The following POLD1 variants were observed in gnomAD, a reference collection of about 807,000 sequenced individuals.
The protein encoded by POLD1 is DNA polymerase delta catalytic subunit.
A neutral mutation model predicts 129.7 loss-of-function variants in POLD1; 79 were observed. The ratio of observed to expected loss-of-function variants is 0.61; its 90% CI spans 0.51 to 0.73. POLD1 has a LOEUF of 0.73. POLD1 is among the 30% of genes least tolerant of loss of function. POLD1 has a pLI of 0.00. For missense variants in POLD1, 1,338 were observed against 1,595.8 expected (o/e 0.84, Z 2.75); for synonymous variants, 714 against 683.3 (o/e 1.04, Z -0.70).
chr19:50,389,352 G>A (rs1029078002), intron 1 of POLD1, among the ~76,000 whole-genome samples: 2 of 151,684 alleles, frequency 1.3e-5, no homozygotes, highest in Non-Finnish European at 2.9e-5. Flanking sequence ...AAACTCCTGG[G>A]TTCAAGCAAT....
At chr19:50,399,147 C>G in intron 2 of POLD1, 94 bp downstream of exon 2, 1 of 1,527,538 alleles carries the variant, frequency 6.5e-7, no homozygotes, top group Non-Finnish European at 8.9e-7. Flanking sequence ...ACCTGTGACC[C>G]CACTCTGGCC....
chr19:50,415,683 C>T, intron 21 of POLD1, 41 bp from the exon 22 acceptor site: 1 of 1,469,132 alleles, frequency 6.8e-7, no homozygotes. Flanking sequence ...ACCCCCGCCA[C>T]CCACCTGCCC....
At chr19:50,413,315 C>T in intron 17 of POLD1, 111 bp from the exon 18 acceptor site, 1 of 861,040 alleles carries the variant, frequency 1.2e-6, no homozygotes, top group South Asian at 1.6e-5. Flanking sequence ...GTGGCTTGTA[C>T]ATAAGCCTAT....
chr19:50,396,366 G>T (rs996249579), intron 1 of POLD1, among the ~76,000 whole-genome samples: 1 of 151,696 alleles, frequency 6.6e-6, no homozygotes, highest in Non-Finnish European at 1.5e-5. Flanking sequence ...TGGGATTACA[G>T]CGTGGGCCAC....
rs1289993856 is a variant in POLD1, at chr19:50,415,461, A to C, written c.2588A>C (p.His863Pro). Residue 863 changes from histidine (H) to proline (P), a missense_variant, in exon 21 of 27, where the codon CAC becomes CCC. By Grantham distance (77) the His-to-Pro change is moderately conservative (BLOSUM62 -2). This residue lies in a region of POLD1 where 720 missense variants were observed against 1,002.6 expected (regional missense o/e 0.72). Coordinates refer to ENST00000440232, the MANE Select transcript of POLD1 (RefSeq NM_002691.4). ...IDRDPEGAVAHAQDVISDLLC... is the reference protein window; with the variant it reads ...IDRDPEGAVAPAQDVISDLLC... ...AGAGACCCTGAGGGCGCGGTGGCTC[A>C]CGCACAGGACGTCATCTCGGACCTG... 1 of 1,612,966 alleles carries C rather than the reference A, an allele frequency of 6.2e-7. No individual in the cohort carries two copies. Among genetic ancestry groups the C allele is most frequent in the Non-Finnish European group, 8.5e-7 (1 of 1,179,880 alleles).
At chr19:50,404,981 T>G (rs533404365) in intron 10 of POLD1, among the ~76,000 whole-genome samples, 1 of 150,770 alleles carries the variant, frequency 6.6e-6, no homozygotes, top group East Asian at 2.0e-4. Flanking sequence ...GCCAGGCTGG[T>G]CTCGAACTCC....
intron 10 of POLD1, among the ~76,000 whole-genome samples, chr19:50,405,238 G>A (rs180754511): frequency 6.6e-6 from 1 of 152,242 alleles, no homozygotes; most frequent in Admixed American, 6.5e-5. Context: ...TAGTGACACC[G>A]TCGTGAGGTG....
At chr19:50,393,195 G>A (rs990721521) in intron 1 of POLD1, among the ~76,000 whole-genome samples, 3 of 152,140 alleles carry the variant, frequency 2.0e-5, no homozygotes, top group African/African-American at 7.2e-5. Flanking sequence ...GGTCTCCAGT[G>A]TACAGTCAGC....
chr19:50,417,484 C>CCA (rs2039352613), intron 26 of POLD1, among the ~76,000 whole-genome samples: 1 of 152,190 alleles, frequency 6.6e-6, no homozygotes, highest in Non-Finnish European at 1.5e-5. Context: ...GAGGCAGCGC[C>CCA]CGGCACCCAG....
At chr19:50,395,224 G>A (rs192693255) in intron 1 of POLD1, 18 of 122,806 alleles carry the variant, frequency 1.5e-4, no homozygotes, top group African/African-American at 6.9e-4. Flanking sequence ...AGTGTAGGCC[G>A]GGCGCGGTGG....
chr19:50,385,876 T>TAG (rs1200057740), intron 1 of POLD1, among the ~76,000 whole-genome samples: 1 of 150,850 alleles, frequency 6.6e-6, no homozygotes, highest in Non-Finnish European at 1.5e-5. Context: ...CTCTTCCCCC[T>TAG]AGAGAGGTTC....
At chr19:50,404,319 G>A (rs553650581) in intron 10 of POLD1, among the ~76,000 whole-genome samples, 1,575 of 142,704 alleles carry the variant, frequency 0.011, 42 homozygotes, top group African/African-American at 0.043. Flanking sequence ...CTGGAGTGCA[G>A]TGGCGCAATC....
At chr19:50,390,452 A>G (rs888883832) in intron 1 of POLD1, among the ~76,000 whole-genome samples, 1 of 152,132 alleles carries the variant, frequency 6.6e-6, no homozygotes, top group Admixed American at 6.5e-5. Flanking sequence ...TTGGGCTAAA[A>G]TGATGAAGGA....
intron 3 of POLD1, among the ~76,000 whole-genome samples, chr19:50,400,522 ATTTTTTTTTTTTTT>A (rs1016107364): frequency 6.3e-5 from 4 of 63,518 alleles, no homozygotes; most frequent in African/African-American, 3.3e-4. Flanking sequence ...TGCCCCGCCT[ATTTTTTTTTTTTTT>A]TTTTTTTTTT....
At chr19:50,412,950 G>T (rs2122431165) in intron 17 of POLD1, among the ~76,000 whole-genome samples, 1 of 152,256 alleles carries the variant, frequency 6.6e-6, no homozygotes, top group East Asian at 1.9e-4. Context: ...TTTCTCAATG[G>T]TTTCTTAGTC....
chr19:50,389,111 A>G (rs2038065708), intron 1 of POLD1, among the ~76,000 whole-genome samples: 1 of 150,122 alleles, frequency 6.7e-6, no homozygotes. Context: ...GATTACAGGC[A>G]TGAGCCACCG....
Position 50,415,559 on chromosome 19 carries a change from G to A in POLD1, c.2686G>A (p.Gly896Ser), listed in dbSNP as rs370557271. 6.2e-6 allele frequency: 10 copies of A among 1,612,308 alleles called. No individual in the cohort carries two copies. The highest frequency in any genetic ancestry group is 2.7e-5 in the African/African-American group (2 of 75,040). ...GACCCGCGCGGCCTCCGACTATGCC[G>A]GCAAGCAGGCCCACGTGGAGCTGGC... ...ELTRAASDYAGKQAHVELAER... is the reference protein window; with the variant it reads ...ELTRAASDYASKQAHVELAER... The change falls in exon 21 of 27, where the codon GGC becomes AGC. Residue 896 changes from glycine (G) to serine (S), a missense_variant. Gly to Ser is a moderately conservative substitution (Grantham distance 56). Coordinates refer to ENST00000440232, the MANE Select transcript of POLD1 (RefSeq NM_002691.4).
At chr19:50,408,566 A>G in intron 14 of POLD1, 6 of 648,700 alleles carry the variant, frequency 9.2e-6, no homozygotes, top group Non-Finnish European at 1.5e-5. Context: ...ATTTTTTTGT[A>G]GAGATAGGGT....
intron 1 of POLD1, among the ~76,000 whole-genome samples, chr19:50,389,510 A>G (rs2038079563): frequency 6.6e-6 from 1 of 152,030 alleles, no homozygotes; most frequent in African/African-American, 2.4e-5. Context: ...TGAGACAGTG[A>G]CGTTATTGAA....
Sources: gnomAD v4.1 joint callset for allele counts (sites outside exome capture counted in the v4.1 genomes callset) on GRCh38, gnomAD v4.1.1 for gene constraint, gnomAD v4.1.1 regional missense constraint, MANE v1.5 for transcripts, NCBI Gene and HGNC (gene_info 2026-07-23, HGNC 2026-07-21) for gene names.